The following FAM133B variants were observed in gnomAD, a reference collection of about 807,000 sequenced individuals.
FAM133B encodes protein FAM133B.
In FAM133B, 25 loss-of-function variants were observed where a neutral mutation model predicts 46.4. The ratio of observed to expected loss-of-function variants is 0.54; its 90% CI spans 0.39 to 0.75. The LOEUF (loss-of-function observed/expected upper bound fraction) is 0.75, where lower values mean the gene tolerates loss of function less well. Among genes scored for constraint, FAM133B ranks in the 30% least tolerant of loss-of-function variants. The probability of loss-of-function intolerance (pLI) is 0.00; values close to 1 mark genes in which losing one functional copy is unlikely to be tolerated. For synonymous variants in FAM133B, 75 were observed against 86.0 expected (o/e 0.87, Z 0.71); for missense variants, 205 against 277.6 (o/e 0.74, Z 1.86).
chr7:92,574,768 G>A lies in FAM133B; in HGVS notation c.516+1003C>T, dbSNP rs554591580. ...AAAATACAAAAAATTAGCCGGGCGC[G>A]GTGGCGGGCGCCTGTAGTCCCAGCT... On this transcript the variant is annotated intron_variant, in intron 8 of 10. Coordinates refer to ENST00000445716, the MANE Select transcript of FAM133B (RefSeq NM_152789.4). 2.8e-4 allele frequency among the ~76,000 whole-genome samples: 43 copies of A among 151,856 alleles called. No homozygotes were observed. In the South Asian group the frequency reaches 3.7e-3, roughly 13 times the overall value.
rs1195422423 is a variant in FAM133B, at chr7:92,566,065, G to C, written c.610-4C>G. 1 of 1,613,360 alleles carries C rather than the reference G, an allele frequency of 6.2e-7. No homozygotes were observed. The highest frequency in any genetic ancestry group is 8.5e-7 in the Non-Finnish European group (1 of 1,179,796). On this transcript the variant is annotated splice_region_variant and splice_polypyrimidine_tract_variant and intron_variant, in intron 9 of 10. Transcript: ENST00000445716. Reference sequence around the variant, plus strand: ...TTTTCTTCTTTTTTGCTCGCACCTAGAAAGTTTAAATTTTTGTGGAGAACA... The same window carrying C: ...TTTTCTTCTTTTTTGCTCGCACCTACAAAGTTTAAATTTTTGTGGAGAACA...
intron 5 of FAM133B, 54 bp from the exon 6 acceptor site, chr7:92,577,771 T>C (rs1794745866): frequency 7.0e-7 from 1 of 1,432,994 alleles, no homozygotes; most frequent in Admixed American, 2.2e-5. Context: ...TGTTTTTCTT[T>C]TACAAAGTCT....
At chr7:92,573,461 CTTCT>C (rs1469916170) in intron 8 of FAM133B, among the ~76,000 whole-genome samples, 4 of 143,224 alleles carry the variant, frequency 2.8e-5, no homozygotes, top group Admixed American at 1.4e-4. Flanking sequence ...AGTCTTTTTT[CTTCT>C]TTTTTTTTTT....
chr7:92,584,047 C>CAA (rs765172200), intron 1 of FAM133B, among the ~76,000 whole-genome samples: 719 of 36,678 alleles, frequency 0.02, 48 homozygotes, highest in East Asian at 0.026. Flanking sequence ...AAGACTGTCT[C>CAA]AAAAAAAAAA....
chr7:92,572,706 G>GA (rs1562891741), intron 8 of FAM133B, among the ~76,000 whole-genome samples: 1 of 152,110 alleles, frequency 6.6e-6, no homozygotes, highest in Non-Finnish European at 1.5e-5. Context: ...GCAACAGAGC[G>GA]AAACTCCATC....
intron 8 of FAM133B, among the ~76,000 whole-genome samples, chr7:92,574,762 G>A (rs1047524433): frequency 9.9e-5 from 15 of 151,560 alleles, no homozygotes; most frequent in African/African-American, 2.9e-4. Flanking sequence ...AAAATTAGCC[G>A]GGCGCGGTGG....
chr7:92,587,977 A>C (rs758762326), intron 1 of FAM133B, among the ~76,000 whole-genome samples: 1 of 150,890 alleles, frequency 6.6e-6, no homozygotes, highest in African/African-American at 2.4e-5. Context: ...AAAATGCTTA[A>C]AAAAAAAAGT....
intron 10 of FAM133B, 169 bp downstream of exon 10, chr7:92,565,845 C>G: frequency 1.6e-6 from 1 of 634,788 alleles, no homozygotes; most frequent in Non-Finnish European, 2.7e-6. Flanking sequence ...TTTTCCTGAA[C>G]CATTTTGACT....
intron 9 of FAM133B, 192 bp downstream of exon 9, chr7:92,569,631 T>TA: frequency 6.0e-6 from 2 of 330,582 alleles, no homozygotes; most frequent in Non-Finnish European, 1.1e-5. Context: ...CAGTTAATTA[T>TA]AAAAAATAAT....
At chr7:92,565,827 T>C (rs897294007) in intron 10 of FAM133B, 187 bp downstream of exon 10, 4 of 603,438 alleles carry the variant, frequency 6.6e-6, no homozygotes, top group Non-Finnish European at 1.2e-5. Flanking sequence ...TACCAGGGTA[T>C]TTTTTATTTT....
rs375206145 is a variant in FAM133B at position 92,586,500 on chromosome 7, TAG to T, written c.24+3766_24+3767del. Among the ~76,000 whole-genome samples, 41 of 152,340 alleles carry T rather than the reference TAG, an allele frequency of 2.7e-4. No homozygotes were observed. In the East Asian group the frequency reaches 7.1e-3, roughly 26 times the overall value. On this transcript the variant is annotated intron_variant, in intron 1 of 10. Coordinates refer to ENST00000445716, the MANE Select transcript of FAM133B (RefSeq NM_152789.4). ...GCATGGTTAAGCATTCACTAAAATA[TAG>T]AGATTGTGCAATTTCTTGAAACATT...
At chr7:92,567,170 C>T (rs111717569) in intron 9 of FAM133B, among the ~76,000 whole-genome samples, 1 of 151,936 alleles carries the variant, frequency 6.6e-6, no homozygotes, top group Admixed American at 6.6e-5. Context: ...TGATCTATGA[C>T]TGCACCATTG....
chr7:92,587,033 C>T (rs1388906468), intron 1 of FAM133B, among the ~76,000 whole-genome samples: 2 of 152,058 alleles, frequency 1.3e-5, no homozygotes, highest in Admixed American at 6.5e-5. Flanking sequence ...AATGTACCAC[C>T]CTGCTGGTGC....
At chr7:92,566,273 A>G (rs1007201778) in intron 9 of FAM133B, among the ~76,000 whole-genome samples, 1 of 152,202 alleles carries the variant, frequency 6.6e-6, no homozygotes, top group African/African-American at 2.4e-5. Context: ...AAATCTCTAG[A>G]CAGCTTCTCT....
At chr7:92,580,790 T>A (rs1253465799) in intron 2 of FAM133B, among the ~76,000 whole-genome samples, 1 of 152,232 alleles carries the variant, frequency 6.6e-6, no homozygotes, top group Non-Finnish European at 1.5e-5. Flanking sequence ...GAAAGTTCAT[T>A]CCCTCTCCCC....
At chr7:92,588,948 T>C (rs921630935) in intron 1 of FAM133B, among the ~76,000 whole-genome samples, 2 of 152,154 alleles carry the variant, frequency 1.3e-5, no homozygotes, top group Non-Finnish European at 2.9e-5. Context: ...CATAGAACCG[T>C]GAGCCAATTA....
At chr7:92,580,547 T>TGATCCCACTAGGGGGTGA (rs1794837276) in intron 2 of FAM133B, among the ~76,000 whole-genome samples, 1 of 152,252 alleles carries the variant, frequency 6.6e-6, no homozygotes, top group Admixed American at 6.5e-5. Context: ...GCCTCTCACG[T>TGATCCCACTAGGGGGTGA]GATCCCACTA....
At chr7:92,584,994 CAA>C (rs1407185409) in intron 1 of FAM133B, among the ~76,000 whole-genome samples, 1 of 151,988 alleles carries the variant, frequency 6.6e-6, no homozygotes, top group Non-Finnish European at 1.5e-5. Flanking sequence ...CAAAACAAAA[CAA>C]AACAAAACAA....
intron 10 of FAM133B, 60 bp downstream of exon 10, chr7:92,565,954 A>C: frequency 6.4e-7 from 1 of 1,559,594 alleles, no homozygotes; most frequent in South Asian, 1.1e-5. Flanking sequence ...ACCATGACTC[A>C]TTTTATATTA....
Sources: allele counts gnomAD v4.1 joint callset (sites outside exome capture counted in the v4.1 genomes callset), GRCh38; gene constraint gnomAD v4.1.1; transcripts MANE v1.5; gene names NCBI Gene and HGNC (gene_info 2026-07-23, HGNC 2026-07-21).